Variants in L1CAM observed in about 807,000 individuals in gnomAD.
L1CAM encodes L1 cell adhesion molecule.
Under a neutral mutation model 93.0 loss-of-function variants are expected in L1CAM, and 8 were observed. That is an observed-to-expected ratio of 0.09 (90% CI 0.05 to 0.16). The LOEUF (loss-of-function observed/expected upper bound fraction) is 0.16. Ranked by LOEUF, L1CAM falls within the 10% of genes least tolerant of loss-of-function variation. The pLI is 1.00. For missense variants in L1CAM, 777 were observed against 1,073.4 expected, an observed-to-expected ratio of 0.72 and a Z score of 3.86; for synonymous variants, 453 against 453.0, an observed-to-expected ratio of 1.00 and a Z score of 0.00.
At chrX:153,869,314 T>A in intron 11 of L1CAM, 1 of 497,166 alleles carries the variant, frequency 2.0e-6, no homozygotes. Context: ...TCAGTCACAG[T>A]GACAAGACCT....
chrX:153,884,559 T>G, intron 1 of L1CAM: 1 of 186,340 alleles, frequency 5.4e-6, no homozygotes, highest in Non-Finnish European at 1.0e-5. Context: ...CATCAATAAA[T>G]ATGGAGAGAG....
chrX:153,868,357 T>C lies in L1CAM; in HGVS notation c.1648A>G (p.Ser550Gly). Residue 550 changes from serine to glycine, a missense_variant, in exon 14 of 29, where the codon AGC becomes GGC. Physicochemically the swap from Ser to Gly is moderately conservative, Grantham distance 56 (BLOSUM62 0). Around this residue, in one of 5 missense-constraint regions of L1CAM, gnomAD observed 574 missense variants for 781.0 expected, o/e 0.73. Transcript: ENST00000370060. ...CGACCGTCCCCACGCCAGGTGATGC[T>C]GGGCTGCAAGGAGGGGTCAAAGGAG... ...QASFDPSLQP[S>G]ITWRGDGRDL... is the part of the protein sequence containing the mutation. 1 of 1,211,620 alleles carries C rather than the reference T, an allele frequency of 8.3e-7. No individual in the cohort carries two copies. Among genetic ancestry groups the C allele is most frequent in the African/African-American group, 1.7e-5 (1 of 57,696 alleles).
intron 1 of L1CAM, chrX:153,880,792 C>T (rs2064840775): frequency 7.3e-6 from 2 of 274,032 alleles, no homozygotes; most frequent in South Asian, 7.0e-5. Flanking sequence ...CCAGGGAGCC[C>T]CCACAGGTAC....
chrX:153,874,835 G>A (rs1252111414), intron 2 of L1CAM, among the ~76,000 whole-genome samples: 1 of 111,687 alleles, frequency 9.0e-6, no homozygotes, highest in Non-Finnish European at 1.9e-5. Context: ...CTACTTACAG[G>A]AGAAAACACC....
chrX:153,881,011 G>A (rs1310393509), intron 1 of L1CAM, among the ~76,000 whole-genome samples: 1 of 112,335 alleles, frequency 8.9e-6, no homozygotes, highest in Non-Finnish European at 1.9e-5. Flanking sequence ...CCCTTTGTGG[G>A]GTTCAGGGAG....
rs150150448 is a variant in L1CAM at position 153,869,993 on chromosome X, C to T, written c.992-59G>A. ...AGCCAGCAGCTGGCTCTTGACCCGG[C>T]GCAGACCCTCCCCTCCCCCATGACA... is the stretch of plus-strand genomic sequence containing the variant. On this transcript the variant is annotated intron_variant, in intron 9 of 28. Transcript: ENST00000370060. 1.0e-3 allele frequency: 1,250 copies of T among 1,207,613 alleles called. 8 individuals carry two copies. The African/African-American group carries it at 0.018, about 17-fold the overall frequency.
chrX:153,865,218 G>A lies in L1CAM; in HGVS notation c.2750-8C>T. 8.3e-7 allele frequency: 1 copy of A among 1,209,659 alleles called. No individual in the cohort carries two copies. The highest frequency in any genetic ancestry group is 1.1e-6 in the Non-Finnish European group (1 of 895,108). On this transcript the variant is annotated splice_polypyrimidine_tract_variant and splice_region_variant and intron_variant, in intron 21 of 28. Coordinates refer to ENST00000370060, the MANE Select transcript of L1CAM (RefSeq NM_001278116.2). ...CCTCGGGGTGGCCAGGCACTGCAGG[G>A]CACAGAACCGAGTGGCAGGTAGGTC...
At position 153,863,389 on chromosome X, in the gene L1CAM, C is replaced by T. The variant is rs2064680948; in HGVS notation, c.3531-10G>A. 8.3e-7 allele frequency: 1 copy of T among 1,211,165 alleles called. No homozygotes were observed. ...TTACCTCTCCAGGGACCTGAAGTCA[C>T]CCGGCAGCACAGAGAAGAGAGAGAG... On this transcript the variant is annotated splice_polypyrimidine_tract_variant and intron_variant, in intron 27 of 28. Transcript: ENST00000370060.
Position 153,866,741 on chromosome X carries a change from G to A in L1CAM, c.2339C>T (p.Thr780Ile), listed in dbSNP as rs1557090994. Residue 780 changes from threonine (T) to isoleucine (I), a missense_variant, in exon 19 of 29, where the codon ACC (threonine) becomes ATC (isoleucine). This residue lies in a region of L1CAM where 574 missense variants were observed against 781.0 expected (regional missense o/e 0.73). Coordinates refer to ENST00000370060, the MANE Select transcript of L1CAM (RefSeq NM_001278116.2). ...GACTTTGATCTCATAGGGCACGAAG[G>A]TGGACGTGTTGGACACCACCAGGAA... ...DPFLVVSNTS[T>I]FVPYEIKVQA... is the part of the protein sequence containing the mutation. 8.3e-7 allele frequency: 1 copy of A among 1,211,572 alleles called. No homozygotes were observed. The highest frequency in any genetic ancestry group is 1.8e-5 in the South Asian group (1 of 56,993).
intron 11 of L1CAM, chrX:153,869,169 T>C (rs782668997): frequency 2.2e-6 from 1 of 452,812 alleles, no homozygotes; most frequent in African/African-American, 2.4e-5. Context: ...ACCCAACTTT[T>C]ACGTTATTCC....
chrX:153,868,742 G>T lies in L1CAM; in HGVS notation c.1380-15C>A, dbSNP rs1557091979. The T allele has an allele frequency of 8.3e-7, 1 of 1,211,411 alleles. No individual in the cohort carries two copies. Among genetic ancestry groups the T allele is most frequent in the East Asian group, 3.0e-5 (1 of 33,844 alleles). ...CCTCGTCCAGCCTGGAGGGAGCAGG[G>T]CGGGCCTGGCTCTGACTGGCTGGCC... On this transcript the variant is annotated splice_polypyrimidine_tract_variant and intron_variant, in intron 12 of 28. Coordinates refer to ENST00000370060, the MANE Select transcript of L1CAM (RefSeq NM_001278116.2).
At chrX:153,863,210 G>A (rs1404862288) in intron 28 of L1CAM, among the ~76,000 whole-genome samples, 158 bp downstream of exon 28, 2 of 111,843 alleles carry the variant, frequency 1.8e-5, no homozygotes, top group Non-Finnish European at 3.8e-5. Context: ...GGGCTGGGGC[G>A]TGTTGGCCTC....
intron 1 of L1CAM, among the ~76,000 whole-genome samples, chrX:153,882,202 G>T (rs1003886386): frequency 1.8e-5 from 2 of 111,896 alleles, no homozygotes; most frequent in African/African-American, 6.5e-5. Context: ...AAGCCCGGGG[G>T]CGGACAATGG....
intron 25 of L1CAM, 36 bp from the exon 26 acceptor site, chrX:153,864,053 C>G: frequency 8.3e-7 from 1 of 1,209,808 alleles, no homozygotes; most frequent in South Asian, 1.8e-5. Flanking sequence ...TGCTGCCGCC[C>G]AAGCCAGAAC....
At chrX:153,874,996 C>T (rs1315168475) in intron 2 of L1CAM, among the ~76,000 whole-genome samples, 1 of 112,223 alleles carries the variant, frequency 8.9e-6, no homozygotes, top group Non-Finnish European at 1.9e-5. Context: ...CACACAGTCA[C>T]CCATGTAAGG....
At chrX:153,872,058 T>C in intron 5 of L1CAM, 94 bp downstream of exon 5, 2 of 767,810 alleles carry the variant, frequency 2.6e-6, no homozygotes, top group Admixed American at 4.9e-5. Context: ...CCCAGGCCCC[T>C]CGCCACGAGA....
At position 153,866,668 on chromosome X, in the gene L1CAM, G is replaced by T. The variant is rs201540601; in HGVS notation, c.2412C>A (p.Ile804=). 1 of 1,210,596 alleles carries T rather than the reference G, an allele frequency of 8.3e-7. No homozygotes were observed. Among genetic ancestry groups the T allele is most frequent in the Admixed American group, 2.2e-5 (1 of 46,080 alleles). ...ACTCACAGTCCTCTCCAGAGTAGCC[G>T]ATAGTGACCTGGGGCTCTGGTCCCT... The part of the protein sequence containing the change: ...QGKGPEPQVT[I]GYSGEDYPQA... The change falls in exon 19 of 29, where the codon ATC becomes ATA. Residue 804 remains isoleucine, a synonymous_variant. Coordinates refer to ENST00000370060, the MANE Select transcript of L1CAM (RefSeq NM_001278116.2).
At chrX:153,876,635 G>A (rs1557094626) in intron 1 of L1CAM, among the ~76,000 whole-genome samples, 2 of 112,513 alleles carry the variant, frequency 1.8e-5, no homozygotes, top group African/African-American at 3.2e-5. Flanking sequence ...AAGTGGGATA[G>A]AGAAGGGAGG....
In L1CAM at chrX:153,868,232, A is replaced by C. The variant is rs1288952514; in HGVS notation, c.1703+70T>G. 4.2e-6 allele frequency: 5 copies of C among 1,202,711 alleles called. No individual in the cohort carries two copies. In the African/African-American group the frequency reaches 8.8e-5, roughly 21 times the overall value. On this transcript the variant is annotated intron_variant, in intron 14 of 28. Coordinates refer to ENST00000370060, the MANE Select transcript of L1CAM (RefSeq NM_001278116.2). ...TGTCAGAGCCTTCCCCATCAAAGCA[A>C]GGACGAGGCCAAGAGGTCTGGACTT...
Sources: gnomAD v4.1 joint callset for allele counts (sites outside exome capture counted in the v4.1 genomes callset) on GRCh38, gnomAD v4.1.1 for gene constraint, gnomAD v4.1.1 regional missense constraint, MANE v1.5 for transcripts, NCBI Gene and HGNC (gene_info 2026-07-23, HGNC 2026-07-21) for gene names.